The following DNM3 variants were observed in gnomAD, a reference collection of about 807,000 sequenced individuals.
The protein encoded by DNM3 is dynamin-3.
Under a neutral mutation model 101.6 loss-of-function variants are expected in DNM3, and 47 were observed. That is an observed-to-expected ratio of 0.46 (90% CI 0.37 to 0.59). The LOEUF is 0.59. Ranked by LOEUF, DNM3 falls within the 20% of genes least tolerant of loss-of-function variation. The pLI is 0.00. For synonymous variants in DNM3, 385 were observed against 387.9 expected, an observed-to-expected ratio of 0.99 and a Z score of 0.09; for missense variants, 849 against 1,085.7, an observed-to-expected ratio of 0.78 and a Z score of 3.06.
chr1:172,150,520 G>GT (rs2058088232), intron 14 of DNM3, among the ~76,000 whole-genome samples: 1 of 152,224 alleles, frequency 6.6e-6, no homozygotes, highest in Non-Finnish European at 1.5e-5. Context: ...TTAGTATTTT[G>GT]TTTTGAGCAC....
At chr1:172,158,445 C>T (rs922701104) in intron 14 of DNM3, among the ~76,000 whole-genome samples, 1 of 151,908 alleles carries the variant, frequency 6.6e-6, no homozygotes, top group Non-Finnish European at 1.5e-5. Flanking sequence ...AGAACATGAG[C>T]AAAGGCACAG....
intron 14 of DNM3, among the ~76,000 whole-genome samples, chr1:172,152,404 A>T (rs554529664): frequency 6.6e-6 from 1 of 152,176 alleles, no homozygotes; most frequent in South Asian, 2.1e-4. Context: ...TTGATTTTCC[A>T]GTAAATTTTG....
chr1:172,165,572 A>T (rs1197399857), intron 14 of DNM3, among the ~76,000 whole-genome samples: 2 of 151,968 alleles, frequency 1.3e-5, no homozygotes, highest in Non-Finnish European at 2.9e-5. Context: ...CCCTAGCCAA[A>T]CTGGGCTCCT....
At chr1:171,950,035 A>T (rs2042413854) in intron 2 of DNM3, among the ~76,000 whole-genome samples, 1 of 152,180 alleles carries the variant, frequency 6.6e-6, no homozygotes, top group African/African-American at 2.4e-5. Context: ...ATGGACAAAC[A>T]TATTGTGGAA....
intron 15 of DNM3, among the ~76,000 whole-genome samples, chr1:172,299,532 C>T (rs750209303): frequency 2.0e-5 from 3 of 152,090 alleles, no homozygotes; most frequent in African/African-American, 7.2e-5. Flanking sequence ...ACCCTTCCTC[C>T]CTTTTTCCTT....
intron 13 of DNM3, among the ~76,000 whole-genome samples, chr1:172,127,385 C>CTTA (rs60339425): frequency 0.3 from 40,553 of 137,422 alleles, 6,025 homozygotes; most frequent in Middle Eastern, 0.35. Flanking sequence ...TTACTCTCTA[C>CTTA]TTATTATTAT....
intron 15 of DNM3, among the ~76,000 whole-genome samples, chr1:172,300,754 A>G (rs561496276): frequency 6.6e-6 from 1 of 152,366 alleles, no homozygotes; most frequent in South Asian, 2.1e-4. Context: ...GAGACCAATG[A>G]GGAGGCTATT....
chr1:172,202,905 C>T (rs2060201878), intron 14 of DNM3, among the ~76,000 whole-genome samples: 1 of 152,054 alleles, frequency 6.6e-6, no homozygotes, highest in African/African-American at 2.4e-5. Flanking sequence ...GAGTTTAATT[C>T]AAAGTGATGA....
chr1:172,021,410 C>A (rs1172551553), intron 4 of DNM3, among the ~76,000 whole-genome samples: 6 of 151,912 alleles, frequency 3.9e-5, no homozygotes, highest in Non-Finnish European at 8.8e-5. Flanking sequence ...TGAGCTATGA[C>A]TGAGCCATTA....
chr1:172,183,766 AATTTTTTTT>A (rs1320502038), intron 14 of DNM3, among the ~76,000 whole-genome samples: 3 of 75,256 alleles, frequency 4.0e-5, no homozygotes, highest in East Asian at 6.5e-4. Context: ...ATGCCCAGCT[AATTTTTTTT>A]TTTTTTTTTT....
At position 172,081,746 on chromosome 1, in the gene DNM3, G is replaced by T. The variant is rs575544620; in HGVS notation, c.1423-86G>T. 26 of 1,054,710 alleles carry T rather than the reference G, an allele frequency of 2.5e-5. No homozygotes were observed. The South Asian group carries it at 3.7e-4, about 15-fold the overall frequency. 65.3% of individuals were successfully genotyped at this position (1,054,710 alleles called of 1,614,324 possible). On this transcript the variant is annotated intron_variant, in intron 11 of 20. Coordinates refer to ENST00000627582, the MANE Select transcript of DNM3 (RefSeq NM_015569.5). ...GTATCCTTTAAAAAATTATATGAAG[G>T]TAATTAATTTGTGGGCAATTACTGA...
intron 14 of DNM3, chr1:172,144,421 T>G: frequency 4.1e-6 from 1 of 244,220 alleles, no homozygotes; most frequent in Admixed American, 5.2e-5. Context: ...GGCTTCTTGG[T>G]CCCTAGTGTG....
intron 14 of DNM3, among the ~76,000 whole-genome samples, chr1:172,167,399 T>G (rs575140144): frequency 6.6e-6 from 1 of 152,116 alleles, no homozygotes; most frequent in Non-Finnish European, 1.5e-5. Flanking sequence ...TGTGTCTTGA[T>G]AGCAGCATGA....
At chr1:171,953,013 A>G (rs899364602) in intron 2 of DNM3, among the ~76,000 whole-genome samples, 2 of 152,208 alleles carry the variant, frequency 1.3e-5, no homozygotes, top group African/African-American at 4.8e-5. Flanking sequence ...GAAATGAGTG[A>G]TAATTCTAGG....
chr1:172,197,856 T>C (rs755504584), intron 14 of DNM3, among the ~76,000 whole-genome samples: 12 of 151,596 alleles, frequency 7.9e-5, no homozygotes, highest in Non-Finnish European at 1.5e-4. Context: ...TGTCTGCCAA[T>C]AGAGACAGTT....
At chr1:172,380,381 C>T (rs2068830501) in intron 18 of DNM3, among the ~76,000 whole-genome samples, 2 of 151,988 alleles carry the variant, frequency 1.3e-5, no homozygotes, top group Non-Finnish European at 1.5e-5. Flanking sequence ...GTTCATTGTC[C>T]ATGATCTCTG....
At chr1:172,183,849 C>G (rs1419145454) in intron 14 of DNM3, among the ~76,000 whole-genome samples, 2 of 129,310 alleles carry the variant, frequency 1.5e-5, no homozygotes, top group African/African-American at 5.9e-5. Context: ...CTCAAGTGTT[C>G]CTTCTGCCTT....
chr1:172,318,726 T>G (rs1223555235), intron 16 of DNM3, among the ~76,000 whole-genome samples: 2 of 152,104 alleles, frequency 1.3e-5, no homozygotes, highest in African/African-American at 2.4e-5. Flanking sequence ...CACTGCTCAA[T>G]GAAATAAAAG....
At chr1:172,310,986 T>C (rs2065055095) in intron 16 of DNM3, 1 of 152,216 alleles carries the variant, frequency 6.6e-6, no homozygotes, top group Non-Finnish European at 1.5e-5. Flanking sequence ...CTGTGAGGTC[T>C]TGGGCAGGTT....
Sources: gnomAD v4.1 joint callset for allele counts (sites outside exome capture counted in the v4.1 genomes callset) on GRCh38, gnomAD v4.1.1 for gene constraint, MANE v1.5 for transcripts, NCBI Gene and HGNC (gene_info 2026-07-23, HGNC 2026-07-21) for gene names.